MMP26: variants seen among roughly 807,000 people sequenced by gnomAD.
MMP26 encodes the protein matrix metalloproteinase-26.
MMP26 carries 33 observed loss-of-function variants against 31.0 expected under a neutral mutation model. That is an observed-to-expected ratio of 1.06 (90% confidence interval 0.81 to 1.42). The LOEUF (loss-of-function observed/expected upper bound fraction) is 1.42, where lower values mean the gene tolerates loss of function less well. Among genes scored for constraint, MMP26 ranks in the 40% most tolerant of loss-of-function variants. The probability of loss-of-function intolerance (pLI) is 0.00; values close to 1 mark genes in which losing one functional copy is unlikely to be tolerated. For synonymous variants in MMP26, 122 were observed against 114.9 expected (o/e 1.06, Z -0.40); for missense variants, 347 against 316.1 (o/e 1.10, Z -0.74).
intron 2 of MMP26, among the ~76,000 whole-genome samples, chr11:4,838,628 G>A (rs184366990): frequency 4.0e-4 from 61 of 152,116 alleles, no homozygotes; most frequent in South Asian, 2.5e-3. Context: ...TGATTATGTC[G>A]TCATTTGAAT....
chr11:4,915,755 G>A (rs1851078600), intron 2 of MMP26: 3 of 785,708 alleles, frequency 3.8e-6, no homozygotes, highest in East Asian at 2.6e-5. Context: ...GGAAATTAAA[G>A]AAAAAAAATA....
chr11:4,916,411 A>AG (rs1851092686), intron 2 of MMP26, among the ~76,000 whole-genome samples: 1 of 149,368 alleles, frequency 6.7e-6, no homozygotes. Flanking sequence ...GGAAAAAAAA[A>AG]GTCCTCACAT....
intron 1 of MMP26, among the ~76,000 whole-genome samples, chr11:4,708,069 T>G (rs1045629264): frequency 2.2e-4 from 33 of 152,198 alleles, no homozygotes; most frequent in African/African-American, 6.0e-4. Context: ...AGACATTAGT[T>G]TCACAACTCT....
At chr11:4,913,701 T>C (rs1189227039) in intron 2 of MMP26, 1 of 152,192 alleles carries the variant, frequency 6.6e-6, no homozygotes, top group African/African-American at 2.4e-5. Context: ...CTTCCTGACA[T>C]TCTAGAGAAT....
Position 4,959,700 on chromosome 11 carries a change from T to C in MMP26, c.-144-28368T>C, listed in dbSNP as rs1846494434. ...AGTTCAATCATTTATTGTGTTGATTTATTTTCTTTTCTTGTCCTCTATTGC... is the reference window on the plus strand; with the variant it reads ...AGTTCAATCATTTATTGTGTTGATTCATTTTCTTTTCTTGTCCTCTATTGC... On this transcript the variant is annotated intron_variant, in intron 2 of 7. Coordinates refer to ENST00000380390, the MANE Select transcript of MMP26 (RefSeq NM_021801.5). Among the ~76,000 whole-genome samples the C allele has an allele frequency of 2.0e-5, 3 of 152,202 alleles. No individual in the cohort carries two copies. In the South Asian group the frequency reaches 6.2e-4, roughly 32 times the overall value.
chr11:4,962,833 G>T (rs570951223), intron 2 of MMP26, among the ~76,000 whole-genome samples: 42 of 152,250 alleles, frequency 2.8e-4, no homozygotes, highest in African/African-American at 7.7e-4. Flanking sequence ...CTTCTGGGTT[G>T]AGCTGGTGCA....
intron 2 of MMP26, among the ~76,000 whole-genome samples, chr11:4,897,461 A>G (rs1850725205): frequency 6.6e-6 from 1 of 152,188 alleles, no homozygotes; most frequent in Non-Finnish European, 1.5e-5. Context: ...CATTGTGACA[A>G]GTGCTATTTT....
rs71050424 is a variant in MMP26, at chr11:4,716,650, CTTTTTTT to C, written c.-217+11627_-217+11633del. Among the ~76,000 whole-genome samples the C allele has an allele frequency of 3.8e-4, 25 of 65,040 alleles. 1 individual carries two copies. The highest frequency in any genetic ancestry group is 1.1e-3 in the African/African-American group (16 of 14,746). The allele number at this position is 65,040 out of a possible 152,430, so 42.7% of individuals were successfully genotyped here. On this transcript the variant is annotated intron_variant, in intron 1 of 7. Coordinates refer to ENST00000380390, the MANE Select transcript of MMP26 (RefSeq NM_021801.5). ...ATTCCATACTTGATCTCTCTTACCT[CTTTTTTT>C]TTTTTTTTTTTTTTTTTTTTTGAGA...
At chr11:4,759,111 C>CAAAAAA (rs989730402) in intron 1 of MMP26, among the ~76,000 whole-genome samples, 29 of 43,012 alleles carry the variant, frequency 6.7e-4, no homozygotes, top group Middle Eastern at 0.012. Flanking sequence ...CATTCCATCT[C>CAAAAAA]AAAAAAAAAA....
chr11:4,797,009 A>G (rs1372302223), intron 2 of MMP26, among the ~76,000 whole-genome samples: 1 of 151,962 alleles, frequency 6.6e-6, no homozygotes, highest in African/African-American at 2.4e-5. Context: ...TCACTTTTTA[A>G]AATCCTATCT....
intron 1 of MMP26, among the ~76,000 whole-genome samples, chr11:4,758,481 A>C (rs1026694892): frequency 1.3e-5 from 2 of 150,882 alleles, no homozygotes; most frequent in South Asian, 2.1e-4. Context: ...AAAAAAAAAA[A>C]AAAAAACTAA....
At chr11:4,841,854 A>C (rs935083192) in intron 2 of MMP26, among the ~76,000 whole-genome samples, 2 of 152,184 alleles carry the variant, frequency 1.3e-5, no homozygotes, top group Non-Finnish European at 2.9e-5. Flanking sequence ...AATCACTTGA[A>C]CCTCAGTGGC....
intron 2 of MMP26, chr11:4,876,844 T>G (rs1379521292): frequency 6.5e-6 from 1 of 153,352 alleles, no homozygotes; most frequent in Non-Finnish European, 1.5e-5. Context: ...TCAATAACTT[T>G]TAATGGCTGC....
At chr11:4,974,098 G>A (rs1846703681) in intron 2 of MMP26, among the ~76,000 whole-genome samples, 1 of 151,856 alleles carries the variant, frequency 6.6e-6, no homozygotes, top group Non-Finnish European at 1.5e-5. Flanking sequence ...AATGCAAATT[G>A]ATATCAAAAT....
intron 2 of MMP26, among the ~76,000 whole-genome samples, chr11:4,777,318 A>C (rs1848802619): frequency 6.6e-6 from 1 of 152,180 alleles, no homozygotes; most frequent in Non-Finnish European, 1.5e-5. Context: ...TTATATAGAT[A>C]ATGAGTATCA....
chr11:4,882,259 G>A (rs778400348), intron 2 of MMP26: 2 of 1,613,904 alleles, frequency 1.2e-6, no homozygotes, highest in South Asian at 1.1e-5. Flanking sequence ...TGGTAGCCAT[G>A]GCCTTTGACC....
At chr11:4,765,784 T>C (rs1402074501) in intron 1 of MMP26, among the ~76,000 whole-genome samples, 1 of 152,234 alleles carries the variant, frequency 6.6e-6, no homozygotes, top group Admixed American at 6.5e-5. Flanking sequence ...TTCTGAACGA[T>C]GTGTCCTCTG....
chr11:4,914,708 A>G (rs1266173412), intron 2 of MMP26: 1 of 1,591,464 alleles, frequency 6.3e-7, no homozygotes, highest in Admixed American at 1.7e-5. Flanking sequence ...TGGCTCTAAC[A>G]CTAGACACAG....
intron 2 of MMP26, chr11:4,937,506 G>T (rs976687719): frequency 6.5e-6 from 1 of 152,986 alleles, no homozygotes; most frequent in Non-Finnish European, 1.5e-5. Flanking sequence ...TGGCAAACTG[G>T]TGGAGCATGG....
Sources: gnomAD v4.1 joint callset for allele counts (sites outside exome capture counted in the v4.1 genomes callset) on GRCh38, gnomAD v4.1.1 for gene constraint, MANE v1.5 for transcripts, NCBI Gene and HGNC (gene_info 2026-07-23, HGNC 2026-07-21) for gene names.